PTP4A1: variants seen among roughly 807,000 people sequenced by gnomAD.
The protein encoded by PTP4A1 is protein tyrosine phosphatase 4A1.
A neutral mutation model predicts 20.5 loss-of-function variants in PTP4A1; 9 were observed. That is an observed-to-expected ratio of 0.44 (90% CI 0.26 to 0.77). The LOEUF (loss-of-function observed/expected upper bound fraction) is 0.77, where lower values mean the gene tolerates loss of function less well. Among genes scored for constraint, PTP4A1 ranks in the 30% least tolerant of loss-of-function variants. The pLI is 0.19. For missense variants in PTP4A1, 137 were observed against 218.8 expected (o/e 0.63, Z 2.36); for synonymous variants, 78 against 67.4 (o/e 1.16, Z -0.77).
At chr6:63,546,432 G>C (rs1428707210) in intron 2 of PTP4A1, among the ~76,000 whole-genome samples, 3 of 152,224 alleles carry the variant, frequency 2.0e-5, no homozygotes, top group East Asian at 3.8e-4. Flanking sequence ...TTGGCCGGGT[G>C]CGGTGGCTCA....
chr6:63,523,377 C>G (rs901165438), intron 1 of PTP4A1, among the ~76,000 whole-genome samples: 1 of 151,902 alleles, frequency 6.6e-6, no homozygotes, highest in African/African-American at 2.4e-5. Flanking sequence ...TACTAGAAAA[C>G]ACAAAAATTA....
upstream of PTP4A1, among the ~76,000 whole-genome samples, chr6:63,518,933 T>C (rs2149469747): frequency 6.6e-6 from 1 of 152,360 alleles, no homozygotes; most frequent in South Asian, 2.1e-4. Context: ...CCATATATTA[T>C]ACTTTCAGCA....
At chr6:63,548,335 C>G (rs576333287) in intron 2 of PTP4A1, among the ~76,000 whole-genome samples, 4 of 152,326 alleles carry the variant, frequency 2.6e-5, no homozygotes, top group African/African-American at 9.6e-5. Flanking sequence ...ACAATATCTA[C>G]CTCATGGGTT....
chr6:63,547,065 A>G (rs933147706), intron 2 of PTP4A1, among the ~76,000 whole-genome samples: 1 of 152,136 alleles, frequency 6.6e-6, no homozygotes, highest in African/African-American at 2.4e-5. Flanking sequence ...TCAAAAGTTT[A>G]TTTGAGCATT....
At chr6:63,575,284 G>A (rs1777782420) in intron 1 of PTP4A1, among the ~76,000 whole-genome samples, 1 of 152,184 alleles carries the variant, frequency 6.6e-6, no homozygotes, top group African/African-American at 2.4e-5. Flanking sequence ...GCTTGAGGCA[G>A]TGACTATGAA....
intron 2 of PTP4A1, chr6:63,548,884 A>T: frequency 3.7e-6 from 3 of 810,452 alleles, no homozygotes; most frequent in Non-Finnish European, 6.5e-6. Flanking sequence ...TTGTCTTCTG[A>T]GTTAACCTGT....
chr6:63,555,413 A>C (rs1197395287), intron 3 of PTP4A1, among the ~76,000 whole-genome samples: 1 of 152,238 alleles, frequency 6.6e-6, no homozygotes, highest in African/African-American at 2.4e-5. Flanking sequence ...GAAATTGCTG[A>C]TGGCCAAAAA....
At chr6:63,538,338 A>G (rs1451465795) in intron 2 of PTP4A1, among the ~76,000 whole-genome samples, 1 of 152,258 alleles carries the variant, frequency 6.6e-6, no homozygotes, top group East Asian at 1.9e-4. Context: ...GAACATTGTT[A>G]CAGGGATTTC....
At chr6:63,577,271 G>T (rs1336294248) in intron 2 of PTP4A1, among the ~76,000 whole-genome samples, 2 of 152,144 alleles carry the variant, frequency 1.3e-5, no homozygotes, top group Non-Finnish European at 2.9e-5. Context: ...ACATGGGAAA[G>T]GTTGCCATTT....
At chr6:63,562,715 G>C (rs1561909950) in intron 3 of PTP4A1, among the ~76,000 whole-genome samples, 2 of 152,164 alleles carry the variant, frequency 1.3e-5, no homozygotes, top group Non-Finnish European at 2.9e-5. Flanking sequence ...TCTATCAAGA[G>C]TTTAATTGTT....
intron 2 of PTP4A1, among the ~76,000 whole-genome samples, chr6:63,547,498 ATTTTTTTTTTTT>A (rs752223359): frequency 3.3e-5 from 3 of 90,794 alleles, no homozygotes; most frequent in East Asian, 6.9e-4. Context: ...CCAGGGGGGA[ATTTTTTTTTTTT>A]TTTTTTTTTT....
chr6:63,565,414 C>A (rs551040150), intron 3 of PTP4A1, among the ~76,000 whole-genome samples: 5 of 151,712 alleles, frequency 3.3e-5, no homozygotes, highest in Non-Finnish European at 7.4e-5. Flanking sequence ...TAATAGAGAT[C>A]GATTCAAGAG....
At chr6:63,568,620 C>G (rs920605516), upstream of PTP4A1, among the ~76,000 whole-genome samples, 1 of 151,324 alleles carries the variant, frequency 6.6e-6, no homozygotes, top group East Asian at 1.9e-4. Context: ...CTCTGATAGA[C>G]TTGCTCGACA....
chr6:63,540,116 T>C (rs1336422145), intron 2 of PTP4A1, among the ~76,000 whole-genome samples: 4 of 152,132 alleles, frequency 2.6e-5, no homozygotes, highest in Non-Finnish European at 5.9e-5. Context: ...CCTAAGACAT[T>C]TTGAACATCC....
chr6:63,522,594 T>G (rs1562110226), intron 1 of PTP4A1, among the ~76,000 whole-genome samples: 1 of 152,196 alleles, frequency 6.6e-6, no homozygotes, highest in East Asian at 1.9e-4. Flanking sequence ...CAAATTACAT[T>G]ATTTGTATTA....
At chr6:63,535,275 G>A (rs942770283) in intron 2 of PTP4A1, among the ~76,000 whole-genome samples, 1 of 151,986 alleles carries the variant, frequency 6.6e-6, no homozygotes, top group African/African-American at 2.4e-5. Context: ...GACTAGCCTG[G>A]CCAACATGGT....
intron 3 of PTP4A1, among the ~76,000 whole-genome samples, chr6:63,554,520 G>A (rs898933299): frequency 2.0e-5 from 3 of 152,100 alleles, no homozygotes; most frequent in Non-Finnish European, 2.9e-5. Flanking sequence ...AATTTAGGCC[G>A]GGCACGGTGG....
At position 63,580,384 on chromosome 6, in the gene PTP4A1, G is replaced by C. The variant is rs1389246473; in HGVS notation, c.*210G>C. 1 of 492,376 alleles carries C rather than the reference G, an allele frequency of 2.0e-6. No individual in the cohort carries two copies. The highest frequency in any genetic ancestry group is 1.9e-5 in the African/African-American group (1 of 52,030). The allele number at this position is 492,376 out of a possible 1,614,324, so 30.5% of individuals were successfully genotyped here. A position where few individuals can be genotyped will look rare whatever the true frequency, so the allele number is the denominator to read the frequency against. ...TTTGGATACTTGGCAAAAGATTCTT[G>C]CTGTCAGCATATAAAATGTGCTTGT... is the stretch of plus-strand genomic sequence containing the variant. On this transcript the variant is annotated 3_prime_UTR_variant, in exon 6 of 6. Coordinates refer to ENST00000626021, the MANE Select transcript of PTP4A1 (RefSeq NM_003463.5).
intron 1 of PTP4A1, among the ~76,000 whole-genome samples, chr6:63,522,409 G>A (rs752549889): frequency 6.6e-6 from 1 of 152,154 alleles, no homozygotes; most frequent in Non-Finnish European, 1.5e-5. Context: ...AGTCCCTGCA[G>A]GAGATAATTT....
Sources: allele counts gnomAD v4.1 joint callset (sites outside exome capture counted in the v4.1 genomes callset), GRCh38; gene constraint gnomAD v4.1.1; transcripts MANE v1.5; gene names NCBI Gene and HGNC (gene_info 2026-07-23, HGNC 2026-07-21).